The following ADAMTSL3 variants were observed in gnomAD, a reference collection of about 807,000 sequenced individuals.
ADAMTSL3 encodes ADAMTS like 3.
Under a neutral mutation model 201.7 loss-of-function variants are expected in ADAMTSL3, and 128 were observed. The observed-to-expected ratio is 0.63, with a 90% CI of 0.55 to 0.73. The LOEUF (loss-of-function observed/expected upper bound fraction) is 0.73, where lower values mean the gene tolerates loss of function less well. Ranked by LOEUF, ADAMTSL3 falls within the 30% of genes least tolerant of loss-of-function variation. ADAMTSL3 has a pLI of 0.00. For synonymous variants in ADAMTSL3, 738 were observed against 748.4 expected, an observed-to-expected ratio of 0.99 and a Z score of 0.23; for missense variants, 1,990 against 2,119.6, an observed-to-expected ratio of 0.94 and a Z score of 1.20.
intron 8 of ADAMTSL3, among the ~76,000 whole-genome samples, chr15:83,867,649 A>G (rs748940473): frequency 1.3e-5 from 2 of 152,228 alleles, no homozygotes; most frequent in East Asian, 1.9e-4. Context: ...AGCATATGCT[A>G]TAGAAATACA....
chr15:83,946,068 T>TGGATGCAGCGAGGGA (rs1461635239), intron 19 of ADAMTSL3, among the ~76,000 whole-genome samples: 1 of 152,208 alleles, frequency 6.6e-6, no homozygotes, highest in Non-Finnish European at 1.5e-5. Context: ...AGCTTGTTTC[T>TGGATGCAGCGAGGGA]GGATGCAGCG....
intron 2 of ADAMTSL3, among the ~76,000 whole-genome samples, chr15:83,657,444 C>T (rs1224009548): frequency 6.6e-6 from 1 of 152,186 alleles, no homozygotes; most frequent in Non-Finnish European, 1.5e-5. Flanking sequence ...ATCATTCACG[C>T]CACTCACTGT....
At chr15:83,923,125 T>C (rs2066178777) in intron 16 of ADAMTSL3, among the ~76,000 whole-genome samples, 1 of 152,152 alleles carries the variant, frequency 6.6e-6, no homozygotes, top group Non-Finnish European at 1.5e-5. Context: ...TTTTTGGCTG[T>C]ATTGCATTTT....
At chr15:83,813,242 T>C (rs117909834) in intron 5 of ADAMTSL3, among the ~76,000 whole-genome samples, 77 of 152,298 alleles carry the variant, frequency 5.1e-4, no homozygotes, top group Non-Finnish European at 9.6e-4. Context: ...GGGAATTAAC[T>C]GAAAGAGACG....
intron 4 of ADAMTSL3, among the ~76,000 whole-genome samples, chr15:83,800,870 T>G (rs2063504683): frequency 6.6e-6 from 1 of 152,226 alleles, no homozygotes; most frequent in Non-Finnish European, 1.5e-5. Context: ...TTTCAATTAC[T>G]TCTTCACTTT....
intron 3 of ADAMTSL3, among the ~76,000 whole-genome samples, chr15:83,769,086 A>G (rs1260312517): frequency 6.6e-6 from 1 of 152,062 alleles, no homozygotes; most frequent in African/African-American, 2.4e-5. Flanking sequence ...GTTATTTTAG[A>G]ATCAAGATTC....
chr15:83,892,128 A>G (rs746114417), intron 12 of ADAMTSL3, among the ~76,000 whole-genome samples: 8 of 152,068 alleles, frequency 5.3e-5, no homozygotes, highest in Non-Finnish European at 8.8e-5. Context: ...AAGCAGGAGA[A>G]TAGCTTGAAC....
intron 19 of ADAMTSL3, among the ~76,000 whole-genome samples, chr15:83,960,379 G>C (rs1164413739): frequency 4.6e-5 from 7 of 152,156 alleles, no homozygotes; most frequent in Non-Finnish European, 8.8e-5. Flanking sequence ...GGGGAAGGCT[G>C]AGAGCTGACA....
rs191775509 is a variant in ADAMTSL3 at position 83,969,739 on chromosome 15, G to A, written c.2491-745G>A. On this transcript the variant is annotated intron_variant, in intron 19 of 29. Transcript: ENST00000286744. ...CCATACTGGGGGAATGGGGAAAATG[G>A]GGAGTTGTTAAATGGTTATAAAGTT... Among the ~76,000 whole-genome samples, 374 of 152,298 alleles carry A rather than the reference G, an allele frequency of 2.5e-3. 3 individuals are homozygous for A. Among genetic ancestry groups the A allele is most frequent in the African/African-American group, 8.6e-3 (359 of 41,568 alleles).
chr15:83,801,756 C>A (rs905100850), intron 4 of ADAMTSL3, among the ~76,000 whole-genome samples: 2 of 135,950 alleles, frequency 1.5e-5, no homozygotes, highest in African/African-American at 2.7e-5. Context: ...AGAGAGGGAG[C>A]TCCAGCCTCA....
intron 26 of ADAMTSL3, 66 bp from the exon 27 acceptor site, chr15:84,025,172 A>T: frequency 7.0e-7 from 1 of 1,423,264 alleles, no homozygotes; most frequent in Non-Finnish European, 9.5e-7. Flanking sequence ...TTTTCCTTTG[A>T]TGAGACGCCC....
chr15:84,029,363 C>T (rs1341699327), intron 27 of ADAMTSL3, among the ~76,000 whole-genome samples: 1 of 152,194 alleles, frequency 6.6e-6, no homozygotes, highest in African/African-American at 2.4e-5. Flanking sequence ...GCAAAGGTGA[C>T]TCTTGCTATG....
intron 7 of ADAMTSL3, among the ~76,000 whole-genome samples, chr15:83,850,380 G>A (rs1192046097): frequency 6.6e-6 from 1 of 151,128 alleles, no homozygotes; most frequent in Non-Finnish European, 1.5e-5. Context: ...TTAAATAAAA[G>A]TATAATTTTA....
intron 3 of ADAMTSL3, among the ~76,000 whole-genome samples, chr15:83,760,183 A>G (rs1567126306): frequency 6.6e-6 from 1 of 152,150 alleles, no homozygotes; most frequent in Non-Finnish European, 1.5e-5. Flanking sequence ...ATTTAAAACT[A>G]CAGATCCCCT....
chr15:83,890,031 G>T, intron 10 of ADAMTSL3, 78 bp from the exon 11 acceptor site: 1 of 1,465,348 alleles, frequency 6.8e-7, no homozygotes, highest in Non-Finnish European at 9.2e-7. Context: ...AAAAAAAAAA[G>T]TGTGTGGCAA....
chr15:84,013,232 T>C (rs1307347838), intron 23 of ADAMTSL3, among the ~76,000 whole-genome samples: 2 of 152,214 alleles, frequency 1.3e-5, no homozygotes, highest in African/African-American at 4.8e-5. Context: ...ACCAGGTTCC[T>C]CAATTGTGAG....
chr15:83,852,190 A>G (rs1596315026), intron 7 of ADAMTSL3, among the ~76,000 whole-genome samples: 1 of 122,378 alleles, frequency 8.2e-6, no homozygotes, highest in Non-Finnish European at 1.9e-5. Flanking sequence ...TCGGCTCACT[A>G]TGACCCCCGC....
At chr15:83,679,827 T>G (rs974326421) in intron 2 of ADAMTSL3, among the ~76,000 whole-genome samples, 1 of 152,180 alleles carries the variant, frequency 6.6e-6, no homozygotes, top group Non-Finnish European at 1.5e-5. Context: ...AAGTCCAGGC[T>G]TCTCACTTCA....
intron 17 of ADAMTSL3, 72 bp downstream of exon 17, chr15:83,924,105 C>G: frequency 6.4e-7 from 1 of 1,564,076 alleles, no homozygotes; most frequent in Non-Finnish European, 8.7e-7. Flanking sequence ...AGAAACCCAC[C>G]TAAGTGCAGA....
Sources: gnomAD v4.1 joint callset for allele counts (sites outside exome capture counted in the v4.1 genomes callset) on GRCh38, gnomAD v4.1.1 for gene constraint, MANE v1.5 for transcripts, NCBI Gene and HGNC (gene_info 2026-07-23, HGNC 2026-07-21) for gene names.